Variants in COL25A1 observed in about 807,000 individuals in gnomAD.
The protein encoded by COL25A1 is collagen alpha-1(XXV) chain.
In COL25A1, 103 loss-of-function variants were observed where a neutral mutation model predicts 128.4. That is an observed-to-expected ratio of 0.80 (90% CI 0.68 to 0.94). The LOEUF is 0.94. COL25A1 is among the 40% of genes least tolerant of loss of function. The pLI is 0.00. For synonymous variants in COL25A1, 279 were observed against 277.2 expected, an observed-to-expected ratio of 1.01 and a Z score of -0.06; for missense variants, 745 against 840.0, an observed-to-expected ratio of 0.89 and a Z score of 1.40.
At chr4:108,937,639 T>A (rs577045380) in intron 11 of COL25A1, among the ~76,000 whole-genome samples, 169 bp downstream of exon 11, 63 of 152,244 alleles carry the variant, frequency 4.1e-4, no homozygotes, top group Non-Finnish European at 6.6e-4. Flanking sequence ...TGTAGATATG[T>A]AGTCTTATGA....
At chr4:108,889,367 T>C (rs1741209518) in intron 17 of COL25A1, 111 bp from the exon 18 acceptor site, 1 of 953,438 alleles carries the variant, frequency 1.0e-6, no homozygotes, top group Admixed American at 2.1e-5. Flanking sequence ...TTCAACCACA[T>C]GTCTTTTATT....
At chr4:108,814,543 C>T (rs1731076489) in intron 37 of COL25A1, among the ~76,000 whole-genome samples, 1 of 149,218 alleles carries the variant, frequency 6.7e-6, no homozygotes, top group Non-Finnish European at 1.5e-5. Flanking sequence ...TCTGGTTTCT[C>T]ACCAGATTTC....
chr4:109,115,611 A>C (rs1364484554), intron 3 of COL25A1, among the ~76,000 whole-genome samples: 1 of 152,088 alleles, frequency 6.6e-6, no homozygotes, highest in Non-Finnish European at 1.5e-5. Flanking sequence ...GATGATTAAA[A>C]CCACAGGAAG....
intron 3 of COL25A1, among the ~76,000 whole-genome samples, chr4:109,219,638 C>T (rs1778280611): frequency 6.6e-6 from 1 of 152,124 alleles, no homozygotes; most frequent in Non-Finnish European, 1.5e-5. Flanking sequence ...TCAATAATTC[C>T]TGTCTATTAT....
chr4:109,138,908 C>T (rs1770097025), intron 3 of COL25A1, among the ~76,000 whole-genome samples: 1 of 152,026 alleles, frequency 6.6e-6, no homozygotes, highest in South Asian at 2.1e-4. Flanking sequence ...GGGGTTTCAC[C>T]CTGTTAGCCA....
At chr4:109,246,703 T>G (rs978632) in intron 3 of COL25A1, among the ~76,000 whole-genome samples, 45,248 of 151,952 alleles carry the variant, frequency 0.3, 7,013 homozygotes, top group Middle Eastern at 0.38. Context: ...CTGTATATGA[T>G]TCTATTCTCT....
chr4:109,038,681 C>T (rs1428902558), intron 5 of COL25A1, among the ~76,000 whole-genome samples: 1 of 152,194 alleles, frequency 6.6e-6, no homozygotes, highest in Non-Finnish European at 1.5e-5. Flanking sequence ...TTTGGTGGCT[C>T]TCAACGTCAA....
At chr4:109,183,600 C>G (rs769852519) in intron 3 of COL25A1, among the ~76,000 whole-genome samples, 5 of 151,990 alleles carry the variant, frequency 3.3e-5, no homozygotes, top group Non-Finnish European at 7.4e-5. Flanking sequence ...TTGTATAGAT[C>G]AAGAACTATA....
At chr4:109,237,567 C>A (rs1779556582) in intron 3 of COL25A1, among the ~76,000 whole-genome samples, 1 of 148,108 alleles carries the variant, frequency 6.8e-6, no homozygotes, top group Non-Finnish European at 1.5e-5. Flanking sequence ...GGCAAGTTTC[C>A]ACTGGTACTA....
At chr4:108,852,975 A>G in intron 24 of COL25A1, 50 bp from the exon 25 acceptor site, 3 of 1,492,842 alleles carry the variant, frequency 2.0e-6, no homozygotes, top group Non-Finnish European at 2.8e-6. Flanking sequence ...TTTGTGTGCC[A>G]AAGTACAGTA....
intron 3 of COL25A1, among the ~76,000 whole-genome samples, chr4:109,264,035 T>C (rs1006364595): frequency 2.0e-5 from 3 of 152,186 alleles, no homozygotes; most frequent in African/African-American, 7.2e-5. Flanking sequence ...AAAAGGATTT[T>C]AAGTACAAAT....
chr4:108,931,730 A>C (rs1476097991), intron 11 of COL25A1, among the ~76,000 whole-genome samples: 1 of 152,088 alleles, frequency 6.6e-6, no homozygotes, highest in Non-Finnish European at 1.5e-5. Flanking sequence ...CTATGGCAGG[A>C]CTCCCTGGAA....
Position 109,240,445 on chromosome 4 carries a change from C to T in COL25A1, c.367+60138G>A, listed in dbSNP as rs764566451. On this transcript the variant is annotated intron_variant, in intron 3 of 37. Coordinates refer to ENST00000399132, the MANE Select transcript of COL25A1 (RefSeq NM_198721.4). ...CTAAGCATTGTCATGCAGTGCAAAA[C>T]TGTAATGTGGCATCCTTAAACTTTC... Among the ~76,000 whole-genome samples the T allele has an allele frequency of 2.0e-5, 3 of 151,980 alleles. No homozygotes were observed. In the South Asian group the frequency reaches 6.2e-4, roughly 31 times the overall value.
intron 3 of COL25A1, among the ~76,000 whole-genome samples, chr4:109,193,922 A>C (rs1251187522): frequency 6.6e-6 from 1 of 152,236 alleles, no homozygotes; most frequent in Non-Finnish European, 1.5e-5. Flanking sequence ...TGATATCTAG[A>C]GGAATAAACC....
intron 3 of COL25A1, among the ~76,000 whole-genome samples, chr4:109,259,976 A>ACAGGCGATG (rs1458574803): frequency 6.6e-6 from 1 of 152,202 alleles, no homozygotes; most frequent in Non-Finnish European, 1.5e-5. Flanking sequence ...TTTACGACAA[A>ACAGGCGATG]CAGGCGATGC....
chr4:109,254,462 CATATGTTTATATATATATATATATAT>C (rs1780911011), intron 3 of COL25A1, among the ~76,000 whole-genome samples: 1 of 49,718 alleles, frequency 2.0e-5, no homozygotes. Context: ...TACATGTAGG[CATATGTTTATATATATATATATATAT>C]ATATATATAT....
chr4:108,873,606 C>T lies in COL25A1; in HGVS notation c.1021-4456G>A, dbSNP rs74689161. On this transcript the variant is annotated intron_variant, in intron 19 of 37. Coordinates refer to ENST00000399132, the MANE Select transcript of COL25A1 (RefSeq NM_198721.4). ...AGTAGTAGTAGTAGTAGTGTTACAA[C>T]ATCTCTGCAACCTAATTGGTAATAT... Among the ~76,000 whole-genome samples, 685 of 151,808 alleles carry T rather than the reference C, an allele frequency of 4.5e-3. 15 individuals carry two copies. In the East Asian group the frequency reaches 0.062, roughly 14 times the overall value.
rs545676281 is a variant in COL25A1, at chr4:108,860,950, C to T, written c.1219G>A (p.Asp407Asn). 1 of 1,613,698 alleles carries T rather than the reference C, an allele frequency of 6.2e-7. No homozygotes were observed. The highest frequency in any genetic ancestry group is 8.5e-7 in the Non-Finnish European group (1 of 1,179,736). The change falls in exon 23 of 38, where the codon GAC (aspartate) becomes AAC (asparagine). Residue 407 changes from aspartate to asparagine, a missense_variant. Coordinates refer to ENST00000399132, the MANE Select transcript of COL25A1 (RefSeq NM_198721.4). ...GSKGDRGEKGDSGAQGPRGPP... is the reference protein window; with the variant it reads ...GSKGDRGEKGNSGAQGPRGPP... ...ACCCTTGGTCCCTGAGCTCCAGAGT[C>T]CCCTTTTTCTCCACGATCCCCCTTT... is the stretch of plus-strand genomic sequence containing the variant.
chr4:109,108,553 G>A (rs1446282609), intron 3 of COL25A1, among the ~76,000 whole-genome samples: 1 of 151,988 alleles, frequency 6.6e-6, no homozygotes, highest in East Asian at 1.9e-4. Flanking sequence ...CCTAGTAATG[G>A]GATGGCTGGG....
Sources: allele counts gnomAD v4.1 joint callset (sites outside exome capture counted in the v4.1 genomes callset), GRCh38; gene constraint gnomAD v4.1.1; transcripts MANE v1.5; gene names NCBI Gene and HGNC (gene_info 2026-07-23, HGNC 2026-07-21).